The following ADAMTSL3 variants were observed in gnomAD, a reference collection of about 807,000 sequenced individuals.
The protein encoded by ADAMTSL3 is ADAMTS like 3.
ADAMTSL3 carries 128 observed loss-of-function variants against 201.7 expected under a neutral mutation model. The ratio of observed to expected loss-of-function variants is 0.63; its 90% confidence interval spans 0.55 to 0.73. The LOEUF is 0.73. ADAMTSL3 is among the 30% of genes least tolerant of loss of function. The pLI is 0.00. For missense variants in ADAMTSL3, 1,990 were observed against 2,119.6 expected (o/e 0.94, Z 1.20); for synonymous variants, 738 against 748.4 (o/e 0.99, Z 0.23).
chr15:83,846,666 TTGAGGGGTAAATCTG>T (rs1465046900), intron 7 of ADAMTSL3, among the ~76,000 whole-genome samples: 1 of 152,192 alleles, frequency 6.6e-6, no homozygotes, highest in Non-Finnish European at 1.5e-5. Flanking sequence ...CCCTAGAATT[TTGAGGGGTAAATCTG>T]GGCAATTGCA....
intron 3 of ADAMTSL3, among the ~76,000 whole-genome samples, chr15:83,747,133 G>C (rs2062559741): frequency 6.6e-6 from 1 of 152,122 alleles, no homozygotes; most frequent in Non-Finnish European, 1.5e-5. Flanking sequence ...TATGGTGTTA[G>C]GTGTCACTTG....
intron 9 of ADAMTSL3, among the ~76,000 whole-genome samples, chr15:83,880,200 A>G (rs572749264): frequency 1.1e-4 from 17 of 152,088 alleles, no homozygotes; most frequent in Admixed American, 9.8e-4. Flanking sequence ...CTCATTTATT[A>G]TCTCTTCAGA....
intron 3 of ADAMTSL3, among the ~76,000 whole-genome samples, chr15:83,717,837 G>T (rs2141562826): frequency 6.6e-6 from 1 of 152,266 alleles, no homozygotes; most frequent in African/African-American, 2.4e-5. Context: ...CTAAAAATGA[G>T]ATTTAAAACT....
intron 4 of ADAMTSL3, among the ~76,000 whole-genome samples, chr15:83,783,680 G>A (rs2063213306): frequency 6.6e-6 from 1 of 151,452 alleles, no homozygotes. Flanking sequence ...TAAAACATGG[G>A]GATACATCTA....
rs1452304628 is a variant in ADAMTSL3 at position 83,907,629 on chromosome 15, C to G, written c.1701-5463C>G. Among the ~76,000 whole-genome samples the G allele has an allele frequency of 2.6e-5, 4 of 152,158 alleles. No individual in the cohort carries two copies. In the East Asian group the frequency reaches 5.8e-4, roughly 22 times the overall value. On this transcript the variant is annotated intron_variant, in intron 15 of 29. Coordinates refer to ENST00000286744, the MANE Select transcript of ADAMTSL3 (RefSeq NM_207517.3). ...ATGTTGGCCAGGCTGGTCTCAAACT[C>G]CTGACCTCAAGTGATCTGCCCACCT...
At position 83,655,775 on chromosome 15, in the gene ADAMTSL3, C is replaced by A; in HGVS notation, c.14C>A (p.Thr5Lys). 1 of 1,614,104 alleles carries A rather than the reference C, an allele frequency of 6.2e-7. No individual in the cohort carries two copies. The part of the protein sequence containing the change: MASW[T>K]SPWWVLIGMV... ...AGACTAGACCCCATGGCTTCCTGGA[C>A]GAGCCCCTGGTGGGTGCTGATAGGG... The change falls in exon 2 of 30, where the codon ACG (threonine) becomes AAG (lysine). Residue 5 changes from threonine to lysine, a missense_variant. Physicochemically the swap from Thr to Lys is moderately conservative, Grantham distance 78 (BLOSUM62 -1). Transcript: ENST00000286744.
Position 83,870,916 on chromosome 15 carries a change from C to G in ADAMTSL3, c.917C>G (p.Thr306Ser), listed in dbSNP as rs1340793233. ...VEFQRGSERQTFKIPGPLMAD... is the reference protein window; with the variant it reads ...VEFQRGSERQSFKIPGPLMAD... Reference sequence around the variant, plus strand: ...TTTCAGAGGGGCTCCGAGAGGCAAACTTTTAAGATTCCAGGACCTCTGATG... The same window carrying G: ...TTTCAGAGGGGCTCCGAGAGGCAAAGTTTTAAGATTCCAGGACCTCTGATG... Residue 306 changes from threonine (T) to serine (S), a missense_variant, in exon 9 of 30, where the codon ACT (threonine) becomes AGT (serine). Transcript: ENST00000286744. 2 of 1,613,398 alleles carry G rather than the reference C, an allele frequency of 1.2e-6. No homozygotes were observed. Among genetic ancestry groups the G allele is most frequent in the South Asian group, 2.2e-5 (2 of 90,894 alleles).
rs2065909705 is a variant in ADAMTSL3, at chr15:83,910,412, TAGAA to T, written c.1701-2679_1701-2676del. 6.6e-5 allele frequency among the ~76,000 whole-genome samples: 10 copies of T among 150,412 alleles called. No homozygotes were observed. The South Asian group carries it at 2.1e-3, about 31-fold the overall frequency. Reference sequence around the variant, plus strand: ...TTTAATTTAAATAAAAAATAATACATAGAAGGAAATCATGCTGGATTCTGTGTAA... The same window carrying T: ...TTTAATTTAAATAAAAAATAATACATGGAAATCATGCTGGATTCTGTGTAA... On this transcript the variant is annotated intron_variant, in intron 15 of 29. Coordinates refer to ENST00000286744, the MANE Select transcript of ADAMTSL3 (RefSeq NM_207517.3).
intron 19 of ADAMTSL3, among the ~76,000 whole-genome samples, chr15:83,964,755 G>A (rs2067046024): frequency 6.6e-6 from 1 of 152,188 alleles, no homozygotes; most frequent in African/African-American, 2.4e-5. Flanking sequence ...AGGAAAAAAT[G>A]TTAAGGGCAG....
chr15:84,025,701 A>G (rs2068293409), intron 27 of ADAMTSL3: 2 of 319,352 alleles, frequency 6.3e-6, no homozygotes, highest in East Asian at 6.0e-5. Flanking sequence ...AGTTTAGGGC[A>G]GTAAGAATAA....
At chr15:83,924,072 G>T in intron 17 of ADAMTSL3, 39 bp downstream of exon 17, 2 of 1,608,576 alleles carry the variant, frequency 1.2e-6, no homozygotes, top group Non-Finnish European at 1.7e-6. Flanking sequence ...TACCGTGTCC[G>T]GGTGGTAACA....
intron 8 of ADAMTSL3, among the ~76,000 whole-genome samples, chr15:83,866,039 G>T (rs191647851): frequency 6.6e-6 from 1 of 152,162 alleles, no homozygotes; most frequent in East Asian, 1.9e-4. Context: ...TCAGAGAAAT[G>T]AAATCAAAAC....
intron 3 of ADAMTSL3, among the ~76,000 whole-genome samples, chr15:83,752,645 T>C (rs2062655831): frequency 6.6e-6 from 1 of 152,334 alleles, no homozygotes; most frequent in Admixed American, 6.5e-5. Flanking sequence ...ATTTGCAATA[T>C]CTAATATAGT....
Position 83,821,396 on chromosome 15 carries a change from G to C in ADAMTSL3, c.600+1349G>C, listed in dbSNP as rs371869515. ...TAGGCAGAGGACCCTGCGGCCTTCCGCAGTGTTTGTGTCCCTGGGTACTTG... is the reference window on the plus strand; with the variant it reads ...TAGGCAGAGGACCCTGCGGCCTTCCCCAGTGTTTGTGTCCCTGGGTACTTG... On this transcript the variant is annotated intron_variant, in intron 6 of 29. Transcript: ENST00000286744. 5.5e-5 allele frequency among the ~76,000 whole-genome samples: 8 copies of C among 146,090 alleles called. No individual in the cohort carries two copies. The South Asian group carries it at 1.8e-3, about 33-fold the overall frequency.
intron 19 of ADAMTSL3, among the ~76,000 whole-genome samples, chr15:83,966,391 T>TCTGC (rs1442837996): frequency 1.1e-4 from 16 of 152,298 alleles, no homozygotes; most frequent in Non-Finnish European, 1.0e-4. Context: ...CAGAGAATAC[T>TCTGC]ATAAACACCT....
intron 22 of ADAMTSL3, among the ~76,000 whole-genome samples, chr15:83,990,614 A>G (rs1282678413): frequency 3.3e-5 from 5 of 152,158 alleles, no homozygotes; most frequent in Admixed American, 3.3e-4. Flanking sequence ...CTCCCCCAGT[A>G]TCTCACATCC....
At chr15:84,026,257 G>A (rs1227427432) in intron 27 of ADAMTSL3, among the ~76,000 whole-genome samples, 1 of 152,022 alleles carries the variant, frequency 6.6e-6, no homozygotes, top group Non-Finnish European at 1.5e-5. Flanking sequence ...AATCATAGGA[G>A]AAAACATTGT....
At chr15:83,909,644 T>C (rs2065898174) in intron 15 of ADAMTSL3, among the ~76,000 whole-genome samples, 1 of 152,106 alleles carries the variant, frequency 6.6e-6, no homozygotes, top group African/African-American at 2.4e-5. Context: ...AGGTGGAGTC[T>C]CACTGTGTTG....
At chr15:83,669,232 G>A (rs1167230944) in intron 2 of ADAMTSL3, among the ~76,000 whole-genome samples, 1 of 152,044 alleles carries the variant, frequency 6.6e-6, no homozygotes, top group East Asian at 1.9e-4. Flanking sequence ...TGCAACCTCC[G>A]CCTCCTGGGT....
Sources: allele counts gnomAD v4.1 joint callset (sites outside exome capture counted in the v4.1 genomes callset), GRCh38; gene constraint gnomAD v4.1.1; transcripts MANE v1.5; gene names NCBI Gene and HGNC (gene_info 2026-07-23, HGNC 2026-07-21).